NMT1: variants seen among roughly 807,000 people sequenced by gnomAD.
NMT1 encodes glycylpeptide N-tetradecanoyltransferase 1.
Under a neutral mutation model 63.4 loss-of-function variants are expected in NMT1, and 12 were observed. The observed-to-expected ratio is 0.19, with a 90% CI of 0.12 to 0.31. The LOEUF is 0.31. Among genes scored for constraint, NMT1 ranks in the 10% least tolerant of loss-of-function variants. The pLI, the probability that NMT1 is intolerant of heterozygous loss-of-function variation, is 1.00. For missense variants in NMT1, 432 were observed against 634.6 expected (o/e 0.68, Z 3.43); for synonymous variants, 228 against 234.3 (o/e 0.97, Z 0.25).
chr17:45,074,813 A>G (rs2053967645), intron 1 of NMT1, among the ~76,000 whole-genome samples: 1 of 152,194 alleles, frequency 6.6e-6, no homozygotes, highest in African/African-American at 2.4e-5. Flanking sequence ...TCAGTTTGAA[A>G]TAAGGTGACT....
intron 1 of NMT1, among the ~76,000 whole-genome samples, chr17:45,077,724 G>A (rs1012867990): frequency 2.6e-5 from 4 of 152,108 alleles, no homozygotes; most frequent in Admixed American, 6.6e-5. Context: ...AATGCTTCAC[G>A]TAATCCTGAG....
intron 8 of NMT1, among the ~76,000 whole-genome samples, chr17:45,101,264 CACCTCA>C (rs2054163509): frequency 6.6e-6 from 1 of 151,078 alleles, no homozygotes; most frequent in African/African-American, 2.4e-5. Context: ...GTGATCCACC[CACCTCA>C]GCCTCTCAAA....
At chr17:45,098,810 G>A (rs1567871275) in intron 7 of NMT1, 2 of 445,452 alleles carry the variant, frequency 4.5e-6, no homozygotes, top group Non-Finnish European at 8.2e-6. Flanking sequence ...TGGAGATGGT[G>A]GGGGGCGGTA....
At chr17:45,102,840 G>A in intron 8 of NMT1, 111 bp from the exon 9 acceptor site, 2 of 987,802 alleles carry the variant, frequency 2.0e-6, no homozygotes, top group Non-Finnish European at 3.0e-6. Context: ...GGGGGTGCAG[G>A]GAGCCGCCGA....
At chr17:45,073,446 T>G (rs1461434716) in intron 1 of NMT1, among the ~76,000 whole-genome samples, 2 of 152,040 alleles carry the variant, frequency 1.3e-5, no homozygotes, top group Non-Finnish European at 2.9e-5. Context: ...GTCCCTATTC[T>G]TAGGAAATTG....
At chr17:45,084,094 C>T (rs2054034719) in intron 2 of NMT1, among the ~76,000 whole-genome samples, 1 of 152,020 alleles carries the variant, frequency 6.6e-6, no homozygotes, top group African/African-American at 2.4e-5. Context: ...TGACATAGGA[C>T]CCAGAAGCCA....
At chr17:45,061,528 A>G (rs2053857855) in intron 1 of NMT1, 68 bp downstream of exon 1, 1 of 1,431,052 alleles carries the variant, frequency 7.0e-7, no homozygotes, top group Non-Finnish European at 9.6e-7. Context: ...GGTGCGGGGA[A>G]GTCACCGGGA....
At chr17:45,091,421 G>A (rs889986890) in intron 3 of NMT1, among the ~76,000 whole-genome samples, 1 of 152,180 alleles carries the variant, frequency 6.6e-6, no homozygotes, top group Non-Finnish European at 1.5e-5. Flanking sequence ...GTGAGTGAAT[G>A]GAAGTGCCTG....
chr17:45,086,177 G>A (rs1322975830), intron 2 of NMT1, among the ~76,000 whole-genome samples: 1 of 143,146 alleles, frequency 7.0e-6, no homozygotes, highest in East Asian at 2.1e-4. Flanking sequence ...AGGCTGGAGT[G>A]CAATGGCGCC....
rs536220588 is a variant in NMT1 at position 45,104,703 on chromosome 17, G to A, written c.1333-156G>A. On this transcript the variant is annotated intron_variant, in intron 10 of 11. Transcript: ENST00000258960. This position sits in a 1 kb window ranked among gnomAD's most constrained non-coding sequence, Gnocchi z 4.2. ...GCTCAGAGTGTCCTGAGAACCACCC[G>A]GAGAGCGGGGATTAACGTGGAAGCA... is the stretch of plus-strand genomic sequence containing the variant. The A allele has an allele frequency of 8.2e-5, 119 of 1,456,786 alleles. No individual in the cohort carries two copies. The African/African-American group carries it at 1.3e-3, about 16-fold the overall frequency. 90.2% of individuals were successfully genotyped at this position (1,456,786 alleles called of 1,614,324 possible). A position where few individuals can be genotyped will look rare whatever the true frequency, so the allele number is the denominator to read the frequency against.
At chr17:45,099,312 C>A in intron 7 of NMT1, 93 bp from the exon 8 acceptor site, 1 of 853,520 alleles carries the variant, frequency 1.2e-6, no homozygotes, top group Non-Finnish European at 2.0e-6. Flanking sequence ...GTGTCTCTCA[C>A]GCCACCTGCT....
intron 1 of NMT1, among the ~76,000 whole-genome samples, chr17:45,073,497 ATATT>A (rs1471588819): frequency 3.3e-5 from 5 of 152,152 alleles, no homozygotes; most frequent in African/African-American, 1.2e-4. Context: ...ATATTATTAT[ATATT>A]AAGTGTTTTA....
At chr17:45,082,987 A>G (rs2143483337) in intron 2 of NMT1, among the ~76,000 whole-genome samples, 1 of 152,118 alleles carries the variant, frequency 6.6e-6, no homozygotes, top group South Asian at 2.1e-4. Flanking sequence ...ACTGCACTCC[A>G]GCCTGGGCAA....
intron 1 of NMT1, among the ~76,000 whole-genome samples, chr17:45,073,889 G>A (rs1244725467): frequency 6.6e-6 from 1 of 152,164 alleles, no homozygotes; most frequent in African/African-American, 2.4e-5. Context: ...AGTGTTGGAA[G>A]CTCAGCTTCC....
chr17:45,092,284 G>A (rs987678366), intron 3 of NMT1, among the ~76,000 whole-genome samples: 4 of 152,258 alleles, frequency 2.6e-5, no homozygotes, highest in African/African-American at 9.6e-5. Flanking sequence ...ACTGGTGCAC[G>A]GTTGGTGCTC....
In NMT1 at chr17:45,105,487, G is replaced by GGTGTGAGTCTGCTCCCAC; in HGVS notation, c.1471-131_1471-114dup. 1.1e-6 allele frequency: 1 copy of GGTGTGAGTCTGCTCCCAC among 935,162 alleles called. No homozygotes were observed. Among genetic ancestry groups the GGTGTGAGTCTGCTCCCAC allele is most frequent in the Non-Finnish European group, 1.7e-6 (1 of 584,302 alleles). 57.9% of individuals were successfully genotyped at this position (935,162 alleles called of 1,614,324 possible). ...TGGAGGTTGAGTGTGGGGCCGGCTG[G>GGTGTGAGTCTGCTCCCAC]GTGTGAGTCTGCTCCCACAGCACAG... On this transcript the variant is annotated intron_variant, in intron 11 of 11. Transcript: ENST00000258960. The surrounding 1 kb of genome is among the most constrained non-coding windows in gnomAD (Gnocchi z 4.2).
chr17:45,068,150 C>G (rs1431359918), intron 1 of NMT1, among the ~76,000 whole-genome samples: 1 of 152,146 alleles, frequency 6.6e-6, no homozygotes, highest in Non-Finnish European at 1.5e-5. Context: ...ATATGGTGTT[C>G]TCTATTGAGA....
intron 3 of NMT1, among the ~76,000 whole-genome samples, chr17:45,090,513 C>A (rs2054081075): frequency 6.6e-6 from 1 of 152,136 alleles, no homozygotes; most frequent in Admixed American, 6.5e-5. Context: ...AAGTCACTAT[C>A]AAAGGGAGGA....
intron 1 of NMT1, among the ~76,000 whole-genome samples, chr17:45,079,057 T>C (rs576405304): frequency 4.6e-5 from 7 of 152,260 alleles, no homozygotes; most frequent in African/African-American, 1.2e-4. Context: ...TGTACTCAGG[T>C]TGGACTCCTA....
Sources: allele counts gnomAD v4.1 joint callset (sites outside exome capture counted in the v4.1 genomes callset), GRCh38; gene constraint gnomAD v4.1.1; non-coding constraint Gnocchi (gnomAD v3.1); transcripts MANE v1.5; gene names NCBI Gene and HGNC (gene_info 2026-07-23, HGNC 2026-07-21).